Variants in CAPN10 observed in about 807,000 individuals in gnomAD.
CAPN10 encodes the protein calpain 10, also known as calpain-10.
A neutral mutation model predicts 78.4 loss-of-function variants in CAPN10; 71 were observed. That is an observed-to-expected ratio of 0.91 (90% CI 0.75 to 1.10). The LOEUF (loss-of-function observed/expected upper bound fraction) is 1.10. Ranked by LOEUF, CAPN10 falls within the 50% of genes least tolerant of loss-of-function variation. The pLI is 0.00. For synonymous variants in CAPN10, 437 were observed against 407.2 expected, an observed-to-expected ratio of 1.07 and a Z score of -0.88; for missense variants, 849 against 924.6, an observed-to-expected ratio of 0.92 and a Z score of 1.06.
chr2:240,587,462 G>T (rs1403451220), intron 1 of CAPN10, among the ~76,000 whole-genome samples: 1 of 152,246 alleles, frequency 6.6e-6, no homozygotes, highest in Non-Finnish European at 1.5e-5. Flanking sequence ...AGCAAAGCGT[G>T]ATAGAATTTC....
chr2:240,592,974 C>T (rs1256354766), intron 4 of CAPN10: 1 of 157,862 alleles, frequency 6.3e-6, no homozygotes, highest in Admixed American at 6.4e-5. Context: ...AACAAGTTGT[C>T]ATAGGCCTTG....
chr2:240,598,251 C>G (rs953773480), intron 10 of CAPN10, 101 bp from the exon 11 acceptor site: 1 of 1,475,264 alleles, frequency 6.8e-7, no homozygotes. Context: ...CCTTGCTGGT[C>G]TGAGCCTGGA....
In CAPN10 at chr2:240,596,470, C is replaced by T. The variant is rs1051351442; in HGVS notation, c.1430C>T (p.Ala477Val). ...GTCCCCAGCACCTTCCTGAAGGACG[C>T]GCCAGGGGAGTTCCTGCTCCGAGTC... Reference protein sequence around the residue: ...LAVPSTFLKDAPGEFLLRVFS... With the variant: ...LAVPSTFLKDVPGEFLLRVFS... The change falls in exon 8 of 12, where the codon GCG becomes GTG. Residue 477 changes from alanine to valine, a missense_variant. Ala to Val is a moderately conservative substitution (Grantham distance 64). Transcript: ENST00000391984. 20 of 1,612,836 alleles carry T rather than the reference C, an allele frequency of 1.2e-5. No individual in the cohort carries two copies. The highest frequency in any genetic ancestry group is 2.2e-5 in the South Asian group (2 of 91,060).
intron 3 of CAPN10, 192 bp downstream of exon 3, chr2:240,591,203 C>T (rs2093099832): frequency 1.7e-6 from 1 of 581,656 alleles, no homozygotes. Flanking sequence ...CTGTGGATTG[C>T]CCACTCCCTG....
chr2:240,591,869 G>A, intron 3 of CAPN10, 64 bp from the exon 4 acceptor site: 1 of 1,448,746 alleles, frequency 6.9e-7, no homozygotes, highest in Non-Finnish European at 9.5e-7. Flanking sequence ...ACAGACCATG[G>A]GAATCAGAGA....
rs1425649816 is a variant in CAPN10 at position 240,598,003 on chromosome 2, C to G, written c.1859C>G (p.Ala620Gly). Residue 620 changes from alanine to glycine, a missense_variant, in exon 10 of 12, where the codon GCG becomes GGG. Transcript: ENST00000391984. ...GTGAGCCGGCTCTGCCTCCTGCCTG[C>G]GGGCACCTACAAGGTTGTGCCCTCC... ...QEVSRLCLLP[A>G]GTYKVVPSTY... The G allele has an allele frequency of 3.1e-6, 5 of 1,613,102 alleles. No individual in the cohort carries two copies. In the East Asian group the frequency reaches 8.9e-5, roughly 29 times the overall value.
chr2:240,586,820 G>GCGGGC lies in CAPN10; in HGVS notation c.-88_-84dup. ...CTGGGCCGGGCGGGGAACGGGCGGG[G>GCGGGC]CGGGCCGGAGGCGGCGGCGGCTGAC... On this transcript the variant is annotated 5_prime_UTR_variant, in exon 1 of 12. Coordinates refer to ENST00000391984, the MANE Select transcript of CAPN10 (RefSeq NM_023083.4). 1 of 1,229,704 alleles carries GCGGGC rather than the reference G, an allele frequency of 8.1e-7. No homozygotes were observed. The highest frequency in any genetic ancestry group is 1.6e-5 in the African/African-American group (1 of 63,002). The allele number at this position is 1,229,704 out of a possible 1,614,324, so 76.2% of individuals were successfully genotyped here. A position where few individuals can be genotyped will look rare whatever the true frequency, so the allele number is the denominator to read the frequency against.
intron 7 of CAPN10, among the ~76,000 whole-genome samples, chr2:240,595,728 T>C (rs1480078881): frequency 2.1e-4 from 32 of 152,226 alleles, no homozygotes; most frequent in Non-Finnish European, 1.5e-5. Flanking sequence ...CCTCAGTCTC[T>C]TCCCCTGCAA....
intron 5 of CAPN10, chr2:240,594,315 G>A (rs969389098): frequency 1.9e-5 from 12 of 618,328 alleles, no homozygotes; most frequent in Middle Eastern, 4.4e-4. Context: ...GCATCCAGAG[G>A]CGTGAAGTTC....
intron 3 of CAPN10, 28 bp from the exon 4 acceptor site, chr2:240,591,905 T>G (rs1559424218): frequency 1.3e-6 from 2 of 1,591,788 alleles, no homozygotes; most frequent in Non-Finnish European, 1.7e-6. Flanking sequence ...TGCCAGAGGC[T>G]CACTCCCATG....
In CAPN10 at chr2:240,596,505, G is replaced by A. The variant is rs534379076; in HGVS notation, c.1465G>A (p.Gly489Arg). The A allele has an allele frequency of 4.5e-5, 72 of 1,608,740 alleles. No homozygotes were observed. Among genetic ancestry groups the A allele is most frequent in the South Asian group, 2.3e-4 (21 of 90,768 alleles). ...GTTCCTGCTCCGAGTCTTCTCTACCGGGCGAGTCTCCCTTAGGTGAGAGGA... is the reference window on the plus strand; with the variant it reads ...GTTCCTGCTCCGAGTCTTCTCTACCAGGCGAGTCTCCCTTAGGTGAGAGGA... Reference protein sequence around the residue: ...GEFLLRVFSTGRVSLSAIRAV... With the variant: ...GEFLLRVFSTRRVSLSAIRAV... The change falls in exon 8 of 12, where the codon GGG becomes AGG. Residue 489 changes from glycine (G) to arginine (R), a missense_variant. Physicochemically the swap from Gly to Arg is moderately radical, Grantham distance 125. Transcript: ENST00000391984.
At chr2:240,597,860 C>G (rs1189668323) in intron 9 of CAPN10, 28 bp from the exon 10 acceptor site, 4 of 1,557,712 alleles carry the variant, frequency 2.6e-6, no homozygotes, top group Admixed American at 1.9e-5. Flanking sequence ...AGGCTGGCCC[C>G]CTCAGTCTGA....
rs748016007 is a variant in CAPN10, at chr2:240,590,935, G to T, written c.394G>T (p.Ala132Ser). 1.9e-6 allele frequency: 3 copies of T among 1,614,242 alleles called. No individual in the cohort carries two copies. In the Admixed American group the frequency reaches 5.0e-5, roughly 27 times the overall value. Residue 132 changes from alanine to serine, a missense_variant, in exon 3 of 12, where the codon GCA becomes TCA. By Grantham distance (99) the Ala-to-Ser change is moderately conservative. Coordinates refer to ENST00000391984, the MANE Select transcript of CAPN10 (RefSeq NM_023083.4). The stretch of plus-strand genomic sequence containing the variant: ...CACAGATGACCGCCTGCCGTGCCTT[G>T]CAGGGAGACTCTGTTTCTCCCGCTG... ...VTTDDRLPCL[A>S]GRLCFSRCQR... is the part of the protein sequence containing the mutation.
chr2:240,590,248 C>G (rs986692267), intron 2 of CAPN10: 8 of 152,514 alleles, frequency 5.2e-5, no homozygotes, highest in African/African-American at 1.9e-4. Flanking sequence ...ATGCTTACCC[C>G]TGAAGGAGCC....
intron 2 of CAPN10, 184 bp downstream of exon 2, chr2:240,589,658 A>T: frequency 1.3e-6 from 1 of 765,932 alleles, no homozygotes; most frequent in Non-Finnish European, 2.0e-6. Context: ...CCTCTGCTGC[A>T]GGGGGGGGTG....
chr2:240,597,956 G>T lies in CAPN10; in HGVS notation c.1812G>T (p.Val604=). The T allele has an allele frequency of 6.2e-7, 1 of 1,612,976 alleles. No homozygotes were observed. Among genetic ancestry groups the T allele is most frequent in the East Asian group, 2.2e-5 (1 of 44,874 alleles). The change falls in exon 10 of 12, where the codon GTG becomes GTT. Residue 604 remains valine (V), a synonymous_variant. Coordinates refer to ENST00000391984, the MANE Select transcript of CAPN10 (RefSeq NM_023083.4). ...TGCAGGAGCCGCTGCTGAGCTGCGTGCCACATCGCTACGCCCAGGAGGTGA... is the reference window on the plus strand; with the variant it reads ...TGCAGGAGCCGCTGCTGAGCTGCGTTCCACATCGCTACGCCCAGGAGGTGA... ...LLLQEPLLSC[V]PHRYAQEVSR...
intron 1 of CAPN10, among the ~76,000 whole-genome samples, chr2:240,587,464 T>G (rs894762858): frequency 6.6e-6 from 1 of 152,234 alleles, no homozygotes; most frequent in East Asian, 1.9e-4. Flanking sequence ...CAAAGCGTGA[T>G]AGAATTTCAG....
rs748284702 is a variant in CAPN10 at position 240,593,890 on chromosome 2, G to T, written c.689-16G>T. On this transcript the variant is annotated splice_polypyrimidine_tract_variant and intron_variant, in intron 4 of 11. Transcript: ENST00000391984. Reference sequence around the variant, plus strand: ...TGGTGCCCTTCCTGCCTGTGCCTGCGCCATTCCTCATGCAGGTGCCCGGGA... The same window carrying T: ...TGGTGCCCTTCCTGCCTGTGCCTGCTCCATTCCTCATGCAGGTGCCCGGGA... The T allele has an allele frequency of 1.9e-6, 3 of 1,581,544 alleles. No homozygotes were observed. The highest frequency in any genetic ancestry group is 2.6e-6 in the Non-Finnish European group (3 of 1,158,266).
chr2:240,592,264 T>G (rs1575447878), intron 4 of CAPN10, 114 bp downstream of exon 4: 1 of 901,352 alleles, frequency 1.1e-6, no homozygotes, highest in Non-Finnish European at 1.7e-6. Context: ...CAGGACTAAG[T>G]GGGAAGAAGT....
Sources: gnomAD v4.1 joint callset for allele counts (sites outside exome capture counted in the v4.1 genomes callset) on GRCh38, gnomAD v4.1.1 for gene constraint, MANE v1.5 for transcripts, NCBI Gene and HGNC (gene_info 2026-07-23, HGNC 2026-07-21) for gene names.